GCSAML: variants seen among roughly 807,000 people sequenced by gnomAD.
GCSAML encodes germinal center associated signaling and motility like.
A neutral mutation model predicts 13.0 loss-of-function variants in GCSAML; 9 were observed. The ratio of observed to expected loss-of-function variants is 0.69; its 90% CI spans 0.42 to 1.21. GCSAML has a LOEUF of 1.21. Among genes scored for constraint, GCSAML ranks in the 50% most tolerant of loss-of-function variants. The probability of loss-of-function intolerance (pLI) is 0.00; values close to 1 mark genes in which losing one functional copy is unlikely to be tolerated. For missense variants in GCSAML, 143 were observed against 153.4 expected (o/e 0.93, Z 0.36); for synonymous variants, 37 against 52.9 (o/e 0.70, Z 1.31).
At chr1:247,534,004 A>G (rs563705089) in intron 2 of GCSAML, 7 of 152,234 alleles carry the variant, frequency 4.6e-5, no homozygotes, top group African/African-American at 1.7e-4. Context: ...TTTCTCCCCA[A>G]GACATCCACA....
chr1:247,571,429 TA>T (rs1668608517), intron 4 of GCSAML, among the ~76,000 whole-genome samples: 1 of 152,180 alleles, frequency 6.6e-6, no homozygotes, highest in Admixed American at 6.5e-5. Flanking sequence ...TCCTTCTCTG[TA>T]AAGGATTTTA....
chr1:247,569,736 G>A (rs893439377), intron 4 of GCSAML, among the ~76,000 whole-genome samples: 2 of 152,178 alleles, frequency 1.3e-5, no homozygotes, highest in Non-Finnish European at 2.9e-5. Context: ...GAGTTAGGGA[G>A]GAGTCCCTAT....
chr1:247,522,950 T>G (rs1408189054), intron 1 of GCSAML, among the ~76,000 whole-genome samples: 2 of 151,644 alleles, frequency 1.3e-5, no homozygotes, highest in African/African-American at 4.9e-5. Context: ...AACGTATAAC[T>G]TTTAATGAGA....
chr1:247,521,625 G>T (rs1236130773), intron 1 of GCSAML, among the ~76,000 whole-genome samples: 2 of 152,230 alleles, frequency 1.3e-5, no homozygotes, highest in Non-Finnish European at 2.9e-5. Context: ...CGAGTGATCT[G>T]CCAGCCTCGG....
In GCSAML at chr1:247,568,548, A is replaced by G. The variant is rs540089930; in HGVS notation, c.168+2589A>G. On this transcript the variant is annotated intron_variant, in intron 4 of 4. Coordinates refer to ENST00000366488, the MANE Select transcript of GCSAML (RefSeq NM_145278.5). ...CATTGGTCTATATATCTGTTTTGGT[A>G]GCAGTACCATGCTGTTTTGGTTACT... Among the ~76,000 whole-genome samples the G allele has an allele frequency of 3.0e-4, 46 of 152,256 alleles. 2 individuals are homozygous for G. In the South Asian group the frequency reaches 9.3e-3, roughly 31 times the overall value.
chr1:247,546,568 A>G (rs1027076983), upstream of GCSAML, among the ~76,000 whole-genome samples: 9 of 151,846 alleles, frequency 5.9e-5, no homozygotes, highest in East Asian at 2.0e-4. Flanking sequence ...TCACTGTGTT[A>G]GCCAGGATGG....
At position 247,563,477 on chromosome 1, in the gene GCSAML, A is replaced by G. The variant is rs769265977; in HGVS notation, c.90-113A>G. On this transcript the variant is annotated intron_variant, in intron 2 of 4. Coordinates refer to ENST00000366488, the MANE Select transcript of GCSAML (RefSeq NM_145278.5). ...CCTTTTAATTGTATTTAATATTTGC[A>G]TGGAAAATCTAACAATGGCCTTAGG... 5 of 575,154 alleles carry G rather than the reference A, an allele frequency of 8.7e-6. No homozygotes were observed. In the Admixed American group the frequency reaches 1.1e-4, roughly 12 times the overall value. 35.6% of individuals were successfully genotyped at this position (575,154 alleles called of 1,614,324 possible).
chr1:247,522,636 CAT>C (rs759560879), intron 1 of GCSAML, among the ~76,000 whole-genome samples: 6 of 152,190 alleles, frequency 3.9e-5, no homozygotes, highest in Non-Finnish European at 8.8e-5. Context: ...CTCTCTGAAA[CAT>C]GTGCTGTGTC....
At chr1:247,524,370 T>A (rs1313803078) in intron 1 of GCSAML, among the ~76,000 whole-genome samples, 1 of 152,130 alleles carries the variant, frequency 6.6e-6, no homozygotes, top group Non-Finnish European at 1.5e-5. Context: ...ATGCCCTCCA[T>A]ACCCATGCTG....
intron 1 of GCSAML, among the ~76,000 whole-genome samples, chr1:247,514,169 T>C (rs1204601994): frequency 2.6e-5 from 4 of 152,132 alleles, no homozygotes; most frequent in Non-Finnish European, 5.9e-5. Context: ...TTCGTAGGGA[T>C]AGGGTTTCAC....
At chr1:247,533,768 A>G (rs559648294) in intron 2 of GCSAML, 7 of 152,310 alleles carry the variant, frequency 4.6e-5, no homozygotes, top group African/African-American at 1.2e-4. Context: ...CTCCTCTGTT[A>G]TGTAAAACTA....
intron 2 of GCSAML, chr1:247,538,689 T>A (rs1390234306): frequency 2.2e-6 from 1 of 455,036 alleles, no homozygotes; most frequent in Non-Finnish European, 4.4e-6. Context: ...AAAGGCCAGA[T>A]GAGGACACAG....
At chr1:247,544,217 C>G (rs993965661), upstream of GCSAML, among the ~76,000 whole-genome samples, 1 of 152,162 alleles carries the variant, frequency 6.6e-6, no homozygotes, top group Non-Finnish European at 1.5e-5. Context: ...AATTAGGCCA[C>G]AGATCTGTAG....
At chr1:247,561,746 T>C (rs1459856145) in intron 2 of GCSAML, among the ~76,000 whole-genome samples, 1 of 152,204 alleles carries the variant, frequency 6.6e-6, no homozygotes, top group African/African-American at 2.4e-5. Flanking sequence ...TTCATCTTTG[T>C]AACTTTGTGC....
chr1:247,517,243 C>G lies in GCSAML; in HGVS notation c.-262-9697C>G, dbSNP rs1447460092. ...TCAGAGTAAAATGAATTCAGGGCTC[C>G]CCTGTTCTCTAGGGCCCCCAGGCTA... On this transcript the variant is annotated intron_variant, in intron 1 of 5. Transcript: ENST00000366489. 2.0e-5 allele frequency among the ~76,000 whole-genome samples: 3 copies of G among 152,150 alleles called. No individual in the cohort carries two copies. The East Asian group carries it at 5.8e-4, about 29-fold the overall frequency.
At chr1:247,563,816 A>G (rs75349326) in intron 3 of GCSAML, among the ~76,000 whole-genome samples, 177 bp downstream of exon 3, 7 of 152,130 alleles carry the variant, frequency 4.6e-5, no homozygotes, top group Non-Finnish European at 1.0e-4. Flanking sequence ...TTTGTATATT[A>G]TTTTTTGAGT....
chr1:247,531,735 C>G, intron 2 of GCSAML: 2 of 1,614,208 alleles, frequency 1.2e-6, no homozygotes, highest in Non-Finnish European at 8.5e-7. Flanking sequence ...GCTGGAGATA[C>G]ATGAAGATGA....
chr1:247,547,132 CAAG>C (rs765509492), upstream of GCSAML, among the ~76,000 whole-genome samples: 1 of 151,882 alleles, frequency 6.6e-6, no homozygotes, highest in Non-Finnish European at 1.5e-5. Flanking sequence ...CAAAAAAGCA[CAAG>C]AAGGTAGTTG....
intron 1 of GCSAML, among the ~76,000 whole-genome samples, chr1:247,512,174 G>A (rs999211183): frequency 6.6e-6 from 1 of 151,856 alleles, no homozygotes; most frequent in Non-Finnish European, 1.5e-5. Context: ...TTTTTACGTA[G>A]TCCCATATTT....
Sources: allele counts gnomAD v4.1 joint callset (sites outside exome capture counted in the v4.1 genomes callset), GRCh38; gene constraint gnomAD v4.1.1; transcripts MANE v1.5; gene names NCBI Gene and HGNC (gene_info 2026-07-23, HGNC 2026-07-21).